The following IGF2BP1 variants were observed in gnomAD, a reference collection of about 807,000 sequenced individuals.
IGF2BP1 encodes the protein insulin like growth factor 2 mRNA binding protein 1, also known as insulin-like growth factor 2 mRNA-binding protein 1.
IGF2BP1 carries 11 observed loss-of-function variants against 74.9 expected under a neutral mutation model. The observed-to-expected ratio is 0.15, with a 90% CI of 0.09 to 0.24. The LOEUF (loss-of-function observed/expected upper bound fraction) is 0.24. Ranked by LOEUF, IGF2BP1 falls within the 10% of genes least tolerant of loss-of-function variation. The pLI, the probability that IGF2BP1 is intolerant of heterozygous loss-of-function variation, is 1.00. For synonymous variants in IGF2BP1, 287 were observed against 281.8 expected (o/e 1.02, Z -0.18); for missense variants, 440 against 757.4 (o/e 0.58, Z 4.92).
At chr17:49,037,647 T>C (rs1426542547) in intron 5 of IGF2BP1, among the ~76,000 whole-genome samples, 1 of 152,258 alleles carries the variant, frequency 6.6e-6, no homozygotes, top group East Asian at 1.9e-4. Context: ...TCTACATGTA[T>C]ACATTTCAAT....
At chr17:49,031,802 C>T (rs376027983) in intron 4 of IGF2BP1, 108 bp from the exon 5 acceptor site, 116 of 997,032 alleles carry the variant, frequency 1.2e-4, no homozygotes, top group East Asian at 8.6e-4. Flanking sequence ...CGTGTCTGGC[C>T]TGCCAGATGT....
At chr17:49,026,584 T>A (rs1384373316) in intron 4 of IGF2BP1, 67 bp downstream of exon 4, 1 of 1,337,008 alleles carries the variant, frequency 7.5e-7, no homozygotes. Flanking sequence ...GCATTTGTTC[T>A]GCTTCACTTT....
chr17:49,047,958 T>C (rs1314795827), intron 14 of IGF2BP1, among the ~76,000 whole-genome samples: 1 of 152,120 alleles, frequency 6.6e-6, no homozygotes, highest in Non-Finnish European at 1.5e-5. Flanking sequence ...TCAAGTGATG[T>C]CACTGCTTCA....
intron 2 of IGF2BP1, chr17:49,004,878 C>T (rs1055305271): frequency 3.9e-5 from 6 of 152,142 alleles, no homozygotes; most frequent in African/African-American, 1.4e-4. Context: ...CATTTGGTTA[C>T]CGATAGTTTG....
chr17:48,997,504 T>A lies in IGF2BP1; in HGVS notation c.-242T>A, dbSNP rs1347488157. The A allele has an allele frequency of 2.1e-6, 1 of 481,370 alleles. No individual in the cohort carries two copies. Among genetic ancestry groups the A allele is most frequent in the East Asian group, 3.8e-5 (1 of 26,502 alleles). The allele number at this position is 481,370 out of a possible 1,614,324, so 29.8% of individuals were successfully genotyped here. On this transcript the variant is annotated 5_prime_UTR_variant, in exon 1 of 15. Coordinates refer to ENST00000290341, the MANE Select transcript of IGF2BP1 (RefSeq NM_006546.4). The surrounding 1 kb of genome is among the most constrained non-coding windows in gnomAD (Gnocchi z 4.8). ...ACCGAAGGGAAGAAGCTGCGCCGTG[T>A]CGTCCGTCTCCCTGCGCGCCGCGGG...
In IGF2BP1 at chr17:49,038,432, A is replaced by G. The variant is rs145184529; in HGVS notation, c.666A>G (p.Thr222=). 2.6e-6 allele frequency: 4 copies of G among 1,546,628 alleles called. No individual in the cohort carries two copies. In the East Asian group the frequency reaches 9.5e-5, roughly 37 times the overall value. The change falls in exon 6 of 15, where the codon ACA becomes ACG. Residue 222 remains threonine, a synonymous_variant. Coordinates refer to ENST00000290341, the MANE Select transcript of IGF2BP1 (RefSeq NM_006546.4). ...AGGGGGCCACCATCCGCAACATCACAAAACAGACCCAGTCCAAGTGAGTCT... is the reference window on the plus strand; with the variant it reads ...AGGGGGCCACCATCCGCAACATCACGAAACAGACCCAGTCCAAGTGAGTCT... ...GKEGATIRNI[T]KQTQSKIDVH...
chr17:49,007,510 A>T (rs1461796625), intron 2 of IGF2BP1, among the ~76,000 whole-genome samples: 3 of 152,178 alleles, frequency 2.0e-5, no homozygotes, highest in African/African-American at 7.2e-5. Context: ...TCTTACTGGG[A>T]TGGGGAGGAA....
At chr17:49,020,184 C>T (rs2041775345) in intron 2 of IGF2BP1, among the ~76,000 whole-genome samples, 1 of 151,526 alleles carries the variant, frequency 6.6e-6, no homozygotes, top group Admixed American at 6.6e-5. Flanking sequence ...GCTGGGGTTA[C>T]AGGTGTGCTC....
Position 49,038,156 on chromosome 17 carries a change from C to T in IGF2BP1, c.402-12C>T. ...GATTGGAATGACCTGTAGACTCTCA[C>T]TCTGTCCCCAGAGCCATCATGAAGC... is the stretch of plus-strand genomic sequence containing the variant. On this transcript the variant is annotated splice_polypyrimidine_tract_variant and intron_variant, in intron 5 of 14. Transcript: ENST00000290341. The T allele has an allele frequency of 2.0e-6, 3 of 1,483,408 alleles. No homozygotes were observed. Among genetic ancestry groups the T allele is most frequent in the Non-Finnish European group, 2.7e-6 (3 of 1,114,354 alleles). The allele number at this position is 1,483,408 out of a possible 1,614,324, so 91.9% of individuals were successfully genotyped here. A position where few individuals can be genotyped will look rare whatever the true frequency, so the allele number is the denominator to read the frequency against.
At chr17:49,018,699 G>C (rs2041739297) in intron 2 of IGF2BP1, among the ~76,000 whole-genome samples, 1 of 151,834 alleles carries the variant, frequency 6.6e-6, no homozygotes, top group South Asian at 2.1e-4. Flanking sequence ...CAGACTATTA[G>C]GACACAGAAA....
chr17:49,044,875 A>G (rs2042093112), intron 11 of IGF2BP1, 116 bp from the exon 12 acceptor site: 3 of 826,404 alleles, frequency 3.6e-6, no homozygotes, highest in East Asian at 2.4e-5. Flanking sequence ...TTCCTCCCCT[A>G]AGTCTTCAGA....
chr17:48,997,506 G>C lies in IGF2BP1; in HGVS notation c.-240G>C. On this transcript the variant is annotated 5_prime_UTR_variant, in exon 1 of 15. Coordinates refer to ENST00000290341, the MANE Select transcript of IGF2BP1 (RefSeq NM_006546.4). This position sits in a 1 kb window ranked among gnomAD's most constrained non-coding sequence, Gnocchi z 4.8. ...CGAAGGGAAGAAGCTGCGCCGTGTC[G>C]TCCGTCTCCCTGCGCGCCGCGGGCA... 1 of 492,320 alleles carries C rather than the reference G, an allele frequency of 2.0e-6. No individual in the cohort carries two copies. The highest frequency in any genetic ancestry group is 2.8e-5 in the South Asian group (1 of 35,772). 30.5% of individuals were successfully genotyped at this position (492,320 alleles called of 1,614,324 possible).
chr17:49,019,922 ATATATATATATATATATATATATATATT>A (rs1284559012), intron 2 of IGF2BP1, among the ~76,000 whole-genome samples: 11 of 57,464 alleles, frequency 1.9e-4, no homozygotes, highest in Non-Finnish European at 2.9e-4. Context: ...ATATATATAT[ATATATATATATATATATATATATATATT>A]TATATACACA....
chr17:49,033,371 T>C (rs2041946828), intron 5 of IGF2BP1, among the ~76,000 whole-genome samples: 1 of 151,380 alleles, frequency 6.6e-6, no homozygotes, highest in Admixed American at 6.6e-5. Context: ...AGACGGAGTC[T>C]CACTCTGTCG....
chr17:49,035,411 C>T lies in IGF2BP1; in HGVS notation c.402-2757C>T, dbSNP rs192582146. Among the ~76,000 whole-genome samples the T allele has an allele frequency of 2.3e-3, 353 of 152,338 alleles. 2 individuals are homozygous for T. The highest frequency in any genetic ancestry group is 3.8e-3 in the Admixed American group (58 of 15,296). On this transcript the variant is annotated intron_variant, in intron 5 of 14. Coordinates refer to ENST00000290341, the MANE Select transcript of IGF2BP1 (RefSeq NM_006546.4). ...TCTAGACTAGGTTGTAAGTTTCCTG[C>T]TTCATATAGCTAGTGAGCAATAGAA...
chr17:49,038,162 C>T lies in IGF2BP1; in HGVS notation c.402-6C>T. 6.7e-7 allele frequency: 1 copy of T among 1,501,898 alleles called. No homozygotes were observed. Among genetic ancestry groups the T allele is most frequent in the Non-Finnish European group, 8.9e-7 (1 of 1,122,424 alleles). The allele number at this position is 1,501,898 out of a possible 1,614,324, so 93.0% of individuals were successfully genotyped here. A position where few individuals can be genotyped will look rare whatever the true frequency, so the allele number is the denominator to read the frequency against. ...AATGACCTGTAGACTCTCACTCTGT[C>T]CCCAGAGCCATCATGAAGCTGAATG... On this transcript the variant is annotated splice_region_variant and splice_polypyrimidine_tract_variant and intron_variant, in intron 5 of 14. Transcript: ENST00000290341.
chr17:48,998,565 A>G (rs1193246948), intron 1 of IGF2BP1, among the ~76,000 whole-genome samples: 2 of 152,190 alleles, frequency 1.3e-5, no homozygotes, highest in South Asian at 2.1e-4. Flanking sequence ...GGCTGGGCCG[A>G]GAGGCGCGCG....
intron 2 of IGF2BP1, among the ~76,000 whole-genome samples, chr17:49,002,969 T>A (rs1346696912): frequency 6.6e-6 from 1 of 152,188 alleles, no homozygotes; most frequent in African/African-American, 2.4e-5. Flanking sequence ...TGTAGGTTTC[T>A]AGAACCCCTT....
chr17:49,022,566 AG>A, intron 2 of IGF2BP1, among the ~76,000 whole-genome samples: 1 of 152,108 alleles, frequency 6.6e-6, no homozygotes, highest in Admixed American at 6.5e-5. Flanking sequence ...GAGGGCTGCC[AG>A]GATGTCTTTT....
Sources: allele counts gnomAD v4.1 joint callset (sites outside exome capture counted in the v4.1 genomes callset), GRCh38; gene constraint gnomAD v4.1.1; non-coding constraint Gnocchi (gnomAD v3.1); transcripts MANE v1.5; gene names NCBI Gene and HGNC (gene_info 2026-07-23, HGNC 2026-07-21).